Variants in TTN observed in about 807,000 individuals in gnomAD.
TTN encodes the protein titin.
In TTN, 1,525 loss-of-function variants were observed where a neutral mutation model predicts 3,223.0. That is an observed-to-expected ratio of 0.47 (90% CI 0.45 to 0.49). TTN has a LOEUF of 0.49. TTN is among the 20% of genes least tolerant of loss of function. The pLI is 0.00. For missense variants in TTN, 40,786 were observed against 43,424.0 expected, an observed-to-expected ratio of 0.94 and a Z score of 5.40; for synonymous variants, 14,094 against 15,161.0, an observed-to-expected ratio of 0.93 and a Z score of 5.17.
rs761630773 is a variant in TTN at position 178,547,511 on chromosome 2, T to A, written c.94115A>T (p.His31372Leu). ...AGAATATTCCATGTATTTTGTGAGATGAGTGACTTTAATTTGAGTGCGCTT... is the reference window on the plus strand; with the variant it reads ...AGAATATTCCATGTATTTTGTGAGAAGAGTGACTTTAATTTGAGTGCGCTT... ...SVKRTQIKVT[H>L]LTKYMEYSFR... The change falls in exon 339 of 363, where the codon CAT (histidine) becomes CTT (leucine). Residue 31372 changes from histidine to leucine, a missense_variant. By Grantham distance (99) the His-to-Leu change is moderately conservative (BLOSUM62 -3). Transcript: ENST00000589042. 1.9e-6 allele frequency: 3 copies of A among 1,613,674 alleles called. No individual in the cohort carries two copies. Among genetic ancestry groups the A allele is most frequent in the Non-Finnish European group, 1.7e-6 (2 of 1,179,754 alleles).
chr2:178,597,321 A>G lies in TTN; in HGVS notation c.57544+217T>C, dbSNP rs371156375. On this transcript the variant is annotated intron_variant, in intron 294 of 362. Transcript: ENST00000589042. Reference sequence around the variant, plus strand: ...CTTCTTGTTAGCATCTGTTTTCTCAATTATATAATTTGTAAACTTACACCC... The same window carrying G: ...CTTCTTGTTAGCATCTGTTTTCTCAGTTATATAATTTGTAAACTTACACCC... Among the ~76,000 whole-genome samples, 110 of 152,212 alleles carry G rather than the reference A, an allele frequency of 7.2e-4. 1 individual carries two copies. Among genetic ancestry groups the G allele is most frequent in the East Asian group, 3.3e-3 (17 of 5,142 alleles).
In TTN at chr2:178,599,025, G is replaced by T. The variant is rs375403059; in HGVS notation, c.56685C>A (p.Ser18895Arg). 1.3e-6 allele frequency: 2 copies of T among 1,590,468 alleles called. No homozygotes were observed. The highest frequency in any genetic ancestry group is 2.3e-5 in the East Asian group (1 of 44,134). Reference sequence around the variant, plus strand: ...TGACAGTCATGGAGTTACGAGTCACGCTGCTAACTGTTGGTTTATCTGGTG... The same window carrying T: ...TGACAGTCATGGAGTTACGAGTCACTCTGCTAACTGTTGGTTTATCTGGTG... ...PGAPDKPTVSSVTRNSMTVNW... is the reference protein window; with the variant it reads ...PGAPDKPTVSRVTRNSMTVNW... The change falls in exon 291 of 363, where the codon AGC (serine) becomes AGA (arginine). Residue 18895 changes from serine (S) to arginine (R), a missense_variant. Transcript: ENST00000589042.
chr2:178,617,292 T>C (rs771193332), intron 254 of TTN, 33 bp downstream of exon 254: 40 of 1,542,562 alleles, frequency 2.6e-5, no homozygotes, highest in Non-Finnish European at 3.1e-5. Flanking sequence ...ATGATCCACA[T>C]TGAATATTCT....
At position 178,554,614 on chromosome 2, in the gene TTN, C is replaced by T. The variant is rs374147064; in HGVS notation, c.88733G>A (p.Arg29578His). 6.8e-5 allele frequency: 109 copies of T among 1,613,870 alleles called. No homozygotes were observed. In the African/African-American group the frequency reaches 9.1e-4, roughly 13 times the overall value. Residue 29578 changes from arginine to histidine, a missense_variant, in exon 332 of 363, where the codon CGC becomes CAC. Coordinates refer to ENST00000589042, the MANE Select transcript of TTN (RefSeq NM_001267550.2). Reference protein sequence around the residue: ...HYIVEKRETSRVVWSMVSEHL... With the variant: ...HYIVEKRETSHVVWSMVSEHL... ...TTCAGACACCATAGACCACACAACG[C>T]GGCTTGTCTCACGCTTTTCCACAAT...
intron 274 of TTN, 36 bp downstream of exon 274, chr2:178,608,570 T>C (rs770364485): frequency 1.9e-6 from 3 of 1,591,834 alleles, no homozygotes; most frequent in South Asian, 2.3e-5. Flanking sequence ...AAGTACATGG[T>C]AAAAAGGCAA....
Position 178,548,613 on chromosome 2 carries a change from T to G in TTN, c.93013A>C (p.Lys31005Gln). ...ACTTTCACGGTGAATGTGATTGACTTACTACCACTGTTGTTTTCCACAGTA... is the reference window on the plus strand; with the variant it reads ...ACTTTCACGGTGAATGTGATTGACTGACTACCACTGTTGTTTTCCACAGTA... ...TLTVENNSGSKSITFTVKVLD... is the reference protein window; with the variant it reads ...TLTVENNSGSQSITFTVKVLD... The change falls in exon 339 of 363, where the codon AAG (lysine) becomes CAG (glutamine). Residue 31005 changes from lysine to glutamine, a missense_variant. Physicochemically the swap from Lys to Gln is moderately conservative, Grantham distance 53. Coordinates refer to ENST00000589042, the MANE Select transcript of TTN (RefSeq NM_001267550.2). This position sits in a 1 kb window ranked among gnomAD's most constrained non-coding sequence, Gnocchi z 4.3. 6.2e-7 allele frequency: 1 copy of G among 1,613,894 alleles called. No individual in the cohort carries two copies. The highest frequency in any genetic ancestry group is 8.5e-7 in the Non-Finnish European group (1 of 1,179,812).
rs2071637185 is a variant in TTN at position 178,689,031 on chromosome 2, AGAGGATTGAGGCAAATCCTACCTCGGG to A, written c.32090_32095+21del. 1 of 1,192,166 alleles carries A rather than the reference AGAGGATTGAGGCAAATCCTACCTCGGG, an allele frequency of 8.4e-7. No individual in the cohort carries two copies. The highest frequency in any genetic ancestry group is 1.8e-5 in the African/African-American group (1 of 56,710). 73.8% of individuals were successfully genotyped at this position (1,192,166 alleles called of 1,614,324 possible). A position where few individuals can be genotyped will look rare whatever the true frequency, so the allele number is the denominator to read the frequency against. On this transcript the variant is annotated splice_donor_variant and splice_donor_5th_base_variant and coding_sequence_variant and intron_variant, in exon 125 of 363. Transcript: ENST00000589042. LOFTEE classifies it high-confidence loss of function. ...TTTTTTTTTTTTTTTTTTTTTTGTCAGAGGATTGAGGCAAATCCTACCTCGGGGAGGAGGAGCTTTCTTAGCGACAGG... is the reference window on the plus strand; with the variant it reads ...TTTTTTTTTTTTTTTTTTTTTTGTCAGAGGAGGAGCTTTCTTAGCGACAGG...
Position 178,712,826 on chromosome 2 carries a change from C to A in TTN, c.27199G>T (p.Val9067Leu), listed in dbSNP as rs543334845. The change falls in exon 94 of 363, where the codon GTG becomes TTG. Residue 9067 changes from valine (V) to leucine (L), a missense_variant. By Grantham distance (32) the Val-to-Leu change is conservative (BLOSUM62 1). Coordinates refer to ENST00000589042, the MANE Select transcript of TTN (RefSeq NM_001267550.2). ...SELVPGDRCN[V>L]SLEDSVAELE... ...TCAGCAACTGAATCCTCCAAAGACA[C>A]GTTGCATCTGTCACCTGGTACTAGT... 2 of 1,613,772 alleles carry A rather than the reference C, an allele frequency of 1.2e-6. No individual in the cohort carries two copies. Among genetic ancestry groups the A allele is most frequent in the South Asian group, 2.2e-5 (2 of 91,078 alleles).
At chr2:178,684,301 T>C (rs764823233) in intron 132 of TTN, 29 bp downstream of exon 132, 3 of 1,608,102 alleles carry the variant, frequency 1.9e-6, no homozygotes, top group African/African-American at 1.3e-5. Context: ...GCAAGTACAA[T>C]ATTGTGCATA....
Position 178,735,843 on chromosome 2 carries a change from T to C in TTN, c.14603A>G (p.Lys4868Arg). ...GTCTGCTCCAAACTTGTTGGAAGCCTTACAAGAATAAACTCCTCTATCTTG... is the reference window on the plus strand; with the variant it reads ...GTCTGCTCCAAACTTGTTGGAAGCCCTACAAGAATAAACTCCTCTATCTTG... ...TIQDRGVYSC[K>R]ASNKFGADIC... Residue 4868 changes from lysine (K) to arginine (R), a missense_variant, in exon 50 of 363, where the codon AAG becomes AGG. Transcript: ENST00000589042. 2 of 1,613,822 alleles carry C rather than the reference T, an allele frequency of 1.2e-6. No homozygotes were observed. The highest frequency in any genetic ancestry group is 1.7e-6 in the Non-Finnish European group (2 of 1,179,812).
At position 178,537,786 on chromosome 2, in the gene TTN, G is replaced by A. The variant is rs886039134; in HGVS notation, c.99421C>T (p.Leu33141Phe). ...DIKWYRFGKE[L>F]IQSRKYKMSS... ...ATTTTGTATTTCCGGCTTTGTATGA[G>A]CTCTTTACCAAATCTGTACCATTTA... The change falls in exon 355 of 363, where the codon CTC becomes TTC. Residue 33141 changes from leucine to phenylalanine, a missense_variant. By Grantham distance (22) the Leu-to-Phe change is conservative. Transcript: ENST00000589042. 6.2e-7 allele frequency: 1 copy of A among 1,613,696 alleles called. No individual in the cohort carries two copies. Among genetic ancestry groups the A allele is most frequent in the Non-Finnish European group, 8.5e-7 (1 of 1,179,758 alleles).
In TTN at chr2:178,633,278, A is replaced by G. The variant is rs1286707659; in HGVS notation, c.42995T>C (p.Val14332Ala). The G allele has an allele frequency of 1.2e-6, 2 of 1,613,244 alleles. No individual in the cohort carries two copies. Among genetic ancestry groups the G allele is most frequent in the Non-Finnish European group, 1.7e-6 (2 of 1,179,518 alleles). Residue 14332 changes from valine to alanine, a missense_variant, in exon 233 of 363, where the codon GTT becomes GCT. Physicochemically the swap from Val to Ala is moderately conservative, Grantham distance 64. Coordinates refer to ENST00000589042, the MANE Select transcript of TTN (RefSeq NM_001267550.2). ...EKPLYGVEVF[V>A]GETAHFEIEL... ...AATTTCAAAGTGGGCTGTTTCACCA[A>G]CAAACACCTCTACTCCGTACAGAGG...
chr2:178,675,073 A>G lies in TTN; in HGVS notation c.34578T>C (p.Ile11526=). 6.4e-7 allele frequency: 1 copy of G among 1,555,656 alleles called. No homozygotes were observed. The change falls in exon 150 of 363, where the codon ATT becomes ATC. Residue 11526 remains isoleucine (I), a synonymous_variant. Coordinates refer to ENST00000589042, the MANE Select transcript of TTN (RefSeq NM_001267550.2). The part of the protein sequence containing the change: ...VPKKVEEKRI[I]LPKEEEVLPV... ...GTAGAACTTCCTCTTCTTTAGGGAG[A>G]ATGATTCGTTTTTCTTCCACCTTCT...
At chr2:178,802,054 C>G in intron 3 of TTN, 84 bp downstream of exon 3, 1 of 1,537,026 alleles carries the variant, frequency 6.5e-7, no homozygotes, top group African/African-American at 1.4e-5. Context: ...TACCTCTGCC[C>G]ATAGCTTTTT....
rs754036734 is a variant in TTN, at chr2:178,542,251, C to G, written c.97492+13G>C. ...AGAGGTGGGGAGAGTGGTGGAAGGG[C>G]CTGTGGACTTACGGATGCTGCTGCG... is the stretch of plus-strand genomic sequence containing the variant. On this transcript the variant is annotated intron_variant, in intron 349 of 362. Coordinates refer to ENST00000589042, the MANE Select transcript of TTN (RefSeq NM_001267550.2). 14 of 1,598,204 alleles carry G rather than the reference C, an allele frequency of 8.8e-6. No homozygotes were observed. The highest frequency in any genetic ancestry group is 1.1e-5 in the Non-Finnish European group (13 of 1,169,844).
At position 178,776,497 on chromosome 2, in the gene TTN, A is replaced by T; in HGVS notation, c.5367T>A (p.Ser1789=). The change falls in exon 28 of 363, where the codon TCT becomes TCA. Residue 1789 remains serine (S), a synonymous_variant. Coordinates refer to ENST00000589042, the MANE Select transcript of TTN (RefSeq NM_001267550.2). The part of the protein sequence containing the change: ...ATNKYGTDHT[S]ATLIVKDEKS... ...TCTCATCTTTAACAATAAGGGTAGC[A>T]GATGTGTGATCTGTTCCATATTTGT... 6.2e-7 allele frequency: 1 copy of T among 1,608,454 alleles called. No individual in the cohort carries two copies. Among genetic ancestry groups the T allele is most frequent in the Non-Finnish European group, 8.5e-7 (1 of 1,179,980 alleles).
rs72677229 is a variant in TTN, at chr2:178,619,866, C to T, written c.46451G>A (p.Arg15484Lys). The T allele has an allele frequency of 3.0e-4, 482 of 1,610,466 alleles. No homozygotes were observed. Among genetic ancestry groups the T allele is most frequent in the Non-Finnish European group, 3.9e-4 (461 of 1,178,586 alleles). ...GGCTTCAAGAATATCTTGTGGAGGC[C>T]TGATGATCTCAACAGGAATTTCTGG... is the stretch of plus-strand genomic sequence containing the variant. ...FVEEIPVEII[R>K]PPQDILEAPG... is the part of the protein sequence containing the mutation. The change falls in exon 250 of 363, where the codon AGG (arginine) becomes AAG (lysine). Residue 15484 changes from arginine (R) to lysine (K), a missense_variant. By Grantham distance (26) the Arg-to-Lys change is conservative. Coordinates refer to ENST00000589042, the MANE Select transcript of TTN (RefSeq NM_001267550.2).
In TTN at chr2:178,731,304, C is replaced by G. The variant is rs747990127; in HGVS notation, c.17461+1G>C. The G allele has an allele frequency of 1.9e-6, 3 of 1,613,480 alleles. No individual in the cohort carries two copies. Among genetic ancestry groups the G allele is most frequent in the African/African-American group, 1.3e-5 (1 of 74,912 alleles). On this transcript the variant is annotated splice_donor_variant, in intron 59 of 362. Transcript: ENST00000589042. LOFTEE classifies it high-confidence loss of function. ...ACCCAAGGCAAACGTTCTGAACCAA[C>G]CTTTTACTGAGAGTAATGCAGAACA...
rs1462158745 is a variant in TTN, at chr2:178,695,055, A to G, written c.31271-149T>C. The G allele has an allele frequency of 2.1e-5, 14 of 668,616 alleles. No individual in the cohort carries two copies. The Admixed American group carries it at 4.8e-4, about 23-fold the overall frequency. The allele number at this position is 668,616 out of a possible 1,614,324, so 41.4% of individuals were successfully genotyped here. ...GTATCATTTTTTAAAGAGAGAGATG[A>G]GTTCGGTTTTTTTTTCTTTGACCTT... On this transcript the variant is annotated intron_variant, in intron 115 of 362. Transcript: ENST00000589042.
Sources: gnomAD v4.1 joint callset for allele counts (sites outside exome capture counted in the v4.1 genomes callset) on GRCh38, gnomAD v4.1.1 for gene constraint, Gnocchi (gnomAD v3.1) non-coding constraint, MANE v1.5 for transcripts, NCBI Gene and HGNC (gene_info 2026-07-23, HGNC 2026-07-21) for gene names.